The following TVP23C variants were observed in gnomAD, a reference collection of about 807,000 sequenced individuals.
TVP23C encodes the protein trans-golgi network vesicle protein 23 homolog C.
In TVP23C, 19 loss-of-function variants were observed where a neutral mutation model predicts 28.7. The observed-to-expected ratio is 0.66, with a 90% CI of 0.46 to 0.97. TVP23C has a LOEUF of 0.97. Ranked by LOEUF, TVP23C falls within the 50% of genes least tolerant of loss-of-function variation. The pLI is 0.00. For missense variants in TVP23C, 186 were observed against 241.3 expected (o/e 0.77, Z 1.52); for synonymous variants, 68 against 81.7 (o/e 0.83, Z 0.90).
At chr17:15,552,278 T>TGGACAAAAGAAAAACC (rs1983926728) in intron 3 of TVP23C, among the ~76,000 whole-genome samples, 1 of 152,210 alleles carries the variant, frequency 6.6e-6, no homozygotes. Context: ...CAAAGAAGAC[T>TGGACAAAAGAAAAACC]GGACAAAAGA....
At chr17:15,531,799 G>A (rs531620220) in intron 5 of TVP23C, among the ~76,000 whole-genome samples, 124 of 152,222 alleles carry the variant, frequency 8.1e-4, no homozygotes, top group South Asian at 2.9e-3. Context: ...ATATATAGGC[G>A]GCTGTAATTG....
chr17:15,519,570 G>A (rs180683751), intron 5 of TVP23C, among the ~76,000 whole-genome samples: 6 of 152,208 alleles, frequency 3.9e-5, no homozygotes, highest in Non-Finnish European at 7.4e-5. Context: ...GTTTTTTAAA[G>A]GTTGGGGTCT....
At position 15,538,264 on chromosome 17, in the gene TVP23C, A is replaced by C; in HGVS notation, c.*2148T>G. Reference sequence around the variant, plus strand: ...ATTCTATATTTCTAAGCAGAGCATTACCTTACATACAATGGCCCAATCACA... The same window carrying C: ...ATTCTATATTTCTAAGCAGAGCATTCCCTTACATACAATGGCCCAATCACA... On this transcript the variant is annotated 3_prime_UTR_variant, in exon 6 of 6. Coordinates refer to ENST00000518321, the MANE Select transcript of TVP23C (RefSeq NM_001135036.2). 1.3e-6 allele frequency: 2 copies of C among 1,548,048 alleles called. No individual in the cohort carries two copies. Among genetic ancestry groups the C allele is most frequent in the Non-Finnish European group, 8.7e-7 (1 of 1,149,250 alleles).
chr17:15,511,419 T>C (rs1312963844), intron 5 of TVP23C, among the ~76,000 whole-genome samples: 1 of 152,220 alleles, frequency 6.6e-6, no homozygotes, highest in African/African-American at 2.4e-5. Context: ...GAAGCCTTAA[T>C]TGTAATTCAT....
Position 15,545,935 on chromosome 17 carries a change from T to G in TVP23C, c.331-19A>C. The G allele has an allele frequency of 6.3e-7, 1 of 1,594,712 alleles. No individual in the cohort carries two copies. Among genetic ancestry groups the G allele is most frequent in the Non-Finnish European group, 8.5e-7 (1 of 1,174,068 alleles). On this transcript the variant is annotated intron_variant, in intron 4 of 5. Transcript: ENST00000518321. ...AGGACTCCTATAAAAGAACATAAATTCAATTATCATGTTGTGAAATTTATC... is the reference window on the plus strand; with the variant it reads ...AGGACTCCTATAAAAGAACATAAATGCAATTATCATGTTGTGAAATTTATC...
At chr17:15,504,464 C>G (rs987041462) in intron 5 of TVP23C, among the ~76,000 whole-genome samples, 1 of 152,112 alleles carries the variant, frequency 6.6e-6, no homozygotes, top group East Asian at 1.9e-4. Flanking sequence ...AGAAGAGCTG[C>G]GCTTTGGATG....
chr17:15,558,018 C>A lies in TVP23C; in HGVS notation c.13-2654G>T, dbSNP rs1023670248. On this transcript the variant is annotated intron_variant, in intron 1 of 5. Transcript: ENST00000518321. ...TGAAACTAGTGGTTCTCAACCTTGG[C>A]TACAATTAGAATGCTCTTTTTCTTA... Among the ~76,000 whole-genome samples, 46 of 149,230 alleles carry A rather than the reference C, an allele frequency of 3.1e-4. 1 individual carries two copies. Among genetic ancestry groups the A allele is most frequent in the African/African-American group, 1.0e-3 (42 of 41,186 alleles).
intron 3 of TVP23C, among the ~76,000 whole-genome samples, chr17:15,547,747 T>C (rs563869954): frequency 1.3e-5 from 2 of 152,278 alleles, no homozygotes; most frequent in East Asian, 1.9e-4. Flanking sequence ...AATGCACAAA[T>C]GTACCATTAC....
chr17:15,533,931 G>A (rs1182209996), downstream of TVP23C, among the ~76,000 whole-genome samples: 12 of 152,186 alleles, frequency 7.9e-5, no homozygotes, highest in African/African-American at 2.7e-4. Flanking sequence ...ATGTTTGGTC[G>A]CTCTATGATT....
At chr17:15,507,058 G>T in intron 5 of TVP23C, 2 of 1,256,568 alleles carry the variant, frequency 1.6e-6, no homozygotes, top group Non-Finnish European at 2.3e-6. Context: ...GTGTCAGGGC[G>T]GTGACTTCAC....
At chr17:15,529,890 C>T (rs1982883162) in intron 5 of TVP23C, among the ~76,000 whole-genome samples, 1 of 152,088 alleles carries the variant, frequency 6.6e-6, no homozygotes, top group African/African-American at 2.4e-5. Context: ...CCTCCGCCTC[C>T]TGGGTTCAAG....
At chr17:15,517,652 G>C (rs1177144501) in intron 5 of TVP23C, among the ~76,000 whole-genome samples, 1 of 152,178 alleles carries the variant, frequency 6.6e-6, no homozygotes, top group Non-Finnish European at 1.5e-5. Context: ...TCACTTGCTT[G>C]ACACATTACC....
downstream of TVP23C, among the ~76,000 whole-genome samples, chr17:15,532,777 T>C (rs1349838638): frequency 6.6e-6 from 1 of 152,206 alleles, no homozygotes; most frequent in African/African-American, 2.4e-5. Context: ...TTCTCTTAAA[T>C]TAATATAAGC....
chr17:15,540,642 C>A, intron 5 of TVP23C, 81 bp from the exon 6 acceptor site: 1 of 1,017,258 alleles, frequency 9.8e-7, no homozygotes, highest in Non-Finnish European at 1.5e-6. Context: ...ACAAGGCAGA[C>A]TGTCATGAGA....
intron 5 of TVP23C, among the ~76,000 whole-genome samples, chr17:15,505,710 C>A (rs548693368): frequency 6.6e-6 from 1 of 152,148 alleles, no homozygotes; most frequent in South Asian, 2.1e-4. Flanking sequence ...GAGGGGCGAG[C>A]GGGAACCGGG....
intron 3 of TVP23C, among the ~76,000 whole-genome samples, chr17:15,553,269 G>GT (rs1178380588): frequency 6.7e-6 from 1 of 150,286 alleles, no homozygotes; most frequent in Non-Finnish European, 1.5e-5. Context: ...TTTTCAAAAG[G>GT]TAGGTATTTT....
At chr17:15,563,261 C>A in intron 1 of TVP23C, 176 bp downstream of exon 1, 1 of 1,247,944 alleles carries the variant, frequency 8.0e-7, no homozygotes, top group South Asian at 1.5e-5. Context: ...CCCCCAGCGG[C>A]CTCAGAACCC....
At chr17:15,554,273 C>T (rs1172783929) in intron 2 of TVP23C, among the ~76,000 whole-genome samples, 3 of 147,650 alleles carry the variant, frequency 2.0e-5, no homozygotes, top group East Asian at 2.0e-4. Flanking sequence ...AGTCTCGCTC[C>T]GTCGCCCAGG....
chr17:15,561,840 G>T (rs1411345788), intron 1 of TVP23C, among the ~76,000 whole-genome samples: 1 of 152,162 alleles, frequency 6.6e-6, no homozygotes, highest in Non-Finnish European at 1.5e-5. Context: ...CACAGGATGA[G>T]ATGTGAGGTC....
Sources: allele counts gnomAD v4.1 joint callset (sites outside exome capture counted in the v4.1 genomes callset), GRCh38; gene constraint gnomAD v4.1.1; transcripts MANE v1.5; gene names NCBI Gene and HGNC (gene_info 2026-07-23, HGNC 2026-07-21).